Variants in PCCA observed in about 807,000 individuals in gnomAD.
The protein encoded by PCCA is propionyl-CoA carboxylase subunit alpha, also known as propionyl-CoA carboxylase alpha chain, mitochondrial.
In PCCA, 74 loss-of-function variants were observed where a neutral mutation model predicts 101.3. That is an observed-to-expected ratio of 0.73 (90% CI 0.61 to 0.89). The LOEUF is 0.89. Ranked by LOEUF, PCCA falls within the 40% of genes least tolerant of loss-of-function variation. PCCA has a pLI of 0.00. For missense variants in PCCA, 891 were observed against 907.0 expected (o/e 0.98, Z 0.23); for synonymous variants, 294 against 313.6 (o/e 0.94, Z 0.66).
At position 100,340,174 on chromosome 13, in the gene PCCA, A is replaced by G. The variant is rs112237881; in HGVS notation, c.1558A>G (p.Ser520Gly). The change falls in exon 18 of 24, where the codon AGT (serine) becomes GGT (glycine). Residue 520 changes from serine (S) to glycine (G), a missense_variant. Physicochemically the swap from Ser to Gly is moderately conservative, Grantham distance 56. Coordinates refer to ENST00000376285, the MANE Select transcript of PCCA (RefSeq NM_000282.4). ...DGFKGHMLTKSEKNQLLAIAS... is the reference protein window; with the variant it reads ...DGFKGHMLTKGEKNQLLAIAS... ...TCCCTCAGGACACATGCTAACCAAG[A>G]GTGAGAAGAACCAGTTATTGGCAAT... 6.3e-7 allele frequency: 1 copy of G among 1,597,172 alleles called. No individual in the cohort carries two copies. The highest frequency in any genetic ancestry group is 1.1e-5 in the South Asian group (1 of 90,764).
At chr13:100,386,551 T>G (rs2076515348) in intron 19 of PCCA, among the ~76,000 whole-genome samples, 1 of 152,144 alleles carries the variant, frequency 6.6e-6, no homozygotes, top group Non-Finnish European at 1.5e-5. Flanking sequence ...CTGGCTAATT[T>G]TTTGTATTTT....
rs113703781 is a variant in PCCA, at chr13:100,527,452, A to G, written c.2041-223A>G. ...CCAGGGTCCCCACTTCTCCAGGGTC[A>G]GGGATTTTTTTTTTTTCCAACGAGG... On this transcript the variant is annotated intron_variant, in intron 22 of 23. Coordinates refer to ENST00000376285, the MANE Select transcript of PCCA (RefSeq NM_000282.4). 2.4e-3 allele frequency: 1,381 copies of G among 575,748 alleles called. 17 individuals carry two copies. The highest frequency in any genetic ancestry group is 0.024 in the African/African-American group (1,239 of 52,646). 35.7% of individuals were successfully genotyped at this position (575,748 alleles called of 1,614,324 possible).
chr13:100,410,624 C>T (rs1595796255), intron 19 of PCCA, among the ~76,000 whole-genome samples: 1 of 152,216 alleles, frequency 6.6e-6, no homozygotes, highest in African/African-American at 2.4e-5. Context: ...CCTCTCCTTG[C>T]ACACCACTGT....
intron 16 of PCCA, among the ~76,000 whole-genome samples, chr13:100,325,905 G>C (rs1304607414): frequency 5.3e-5 from 8 of 152,086 alleles, no homozygotes; most frequent in Non-Finnish European, 2.9e-5. Flanking sequence ...AACATCGAAG[G>C]TGTCGAAGTG....
Position 100,337,157 on chromosome 13 carries a change from TA to T in PCCA, c.1541-2997del, listed in dbSNP as rs371314759. On this transcript the variant is annotated intron_variant, in intron 17 of 23. Coordinates refer to ENST00000376285, the MANE Select transcript of PCCA (RefSeq NM_000282.4). Reference sequence around the variant, plus strand: ...GTTTTAGGTGTGTAGGATTCATCAGTAAACAGAAAAAGGAGCTGCCCTCATG... The same window carrying T: ...GTTTTAGGTGTGTAGGATTCATCAGTAACAGAAAAAGGAGCTGCCCTCATG... 1.4e-3 allele frequency among the ~76,000 whole-genome samples: 214 copies of T among 152,286 alleles called. 3 individuals are homozygous for T. Among genetic ancestry groups the T allele is most frequent in the East Asian group, 0.01 (53 of 5,184 alleles).
intron 4 of PCCA, among the ~76,000 whole-genome samples, chr13:100,129,093 A>G (rs1400651516): frequency 1.3e-5 from 2 of 152,162 alleles, no homozygotes; most frequent in Non-Finnish European, 1.5e-5. Context: ...GGCTTCTTGT[A>G]TCTGAATCCT....
intron 12 of PCCA, 57 bp downstream of exon 12, chr13:100,273,403 C>A: frequency 2.9e-6 from 4 of 1,384,258 alleles, no homozygotes; most frequent in South Asian, 1.2e-5. Flanking sequence ...CCTTCCTTCT[C>A]CACCCTTTTT....
At chr13:100,325,664 G>T (rs1026293387) in intron 16 of PCCA, among the ~76,000 whole-genome samples, 5 of 152,160 alleles carry the variant, frequency 3.3e-5, no homozygotes, top group African/African-American at 1.2e-4. Context: ...TTTATGATCT[G>T]CACTTATCTG....
At chr13:100,379,389 G>A (rs1307166178) in intron 19 of PCCA, among the ~76,000 whole-genome samples, 1 of 152,028 alleles carries the variant, frequency 6.6e-6, no homozygotes, top group Non-Finnish European at 1.5e-5. Flanking sequence ...GATGTTAGTG[G>A]GTCCAGGTGA....
intron 19 of PCCA, among the ~76,000 whole-genome samples, chr13:100,383,794 A>G (rs958927877): frequency 6.6e-6 from 1 of 152,114 alleles, no homozygotes; most frequent in African/African-American, 2.4e-5. Flanking sequence ...ACCACCCTAT[A>G]TTTTTCTCCT....
chr13:100,359,896 A>G (rs1468311603), intron 18 of PCCA, among the ~76,000 whole-genome samples: 1 of 152,228 alleles, frequency 6.6e-6, no homozygotes, highest in Non-Finnish European at 1.5e-5. Flanking sequence ...CAGGCCCGAT[A>G]GTAATTCTAT....
chr13:100,349,259 G>T (rs1424845664), intron 18 of PCCA, among the ~76,000 whole-genome samples: 1 of 152,168 alleles, frequency 6.6e-6, no homozygotes, highest in Non-Finnish European at 1.5e-5. Flanking sequence ...AAGTAGCTGG[G>T]ATTACAGGCG....
intron 19 of PCCA, among the ~76,000 whole-genome samples, chr13:100,405,769 C>CTTTTTTT (rs34906541): frequency 6.0e-5 from 7 of 116,376 alleles, no homozygotes; most frequent in African/African-American, 1.3e-4. Flanking sequence ...AAGTGACATT[C>CTTTTTTT]TTTTTTTTTT....
intron 16 of PCCA, among the ~76,000 whole-genome samples, chr13:100,324,964 G>T (rs1330022934): frequency 6.6e-6 from 1 of 152,144 alleles, no homozygotes; most frequent in Non-Finnish European, 1.5e-5. Context: ...AGTAATGCTG[G>T]AGGTCCTCCC....
chr13:100,521,654 G>A (rs2087306014), intron 22 of PCCA, among the ~76,000 whole-genome samples: 1 of 151,868 alleles, frequency 6.6e-6, no homozygotes, highest in Non-Finnish European at 1.5e-5. Flanking sequence ...AGCAGGCAGT[G>A]CCTTTTCACT....
intron 4 of PCCA, among the ~76,000 whole-genome samples, chr13:100,143,946 T>G (rs551017631): frequency 1.3e-5 from 2 of 151,758 alleles, no homozygotes; most frequent in South Asian, 2.1e-4. Context: ...TTTTTTTTTT[T>G]GTAGAGATGG....
rs536075490 is a variant in PCCA, at chr13:100,443,280, G to A, written c.1846-5972G>A. ...AGCCTGGGCAACATAGTGAGACCTT[G>A]TCTCTACAAATAATTTTTTTAAAAA... On this transcript the variant is annotated intron_variant, in intron 20 of 23. Coordinates refer to ENST00000376285, the MANE Select transcript of PCCA (RefSeq NM_000282.4). Among the ~76,000 whole-genome samples the A allele has an allele frequency of 8.5e-5, 13 of 152,160 alleles. No homozygotes were observed. The South Asian group carries it at 2.5e-3, about 29-fold the overall frequency.
At chr13:100,224,190 GC>G (rs1222327217) in intron 7 of PCCA, among the ~76,000 whole-genome samples, 1 of 152,238 alleles carries the variant, frequency 6.6e-6, no homozygotes, top group African/African-American at 2.4e-5. Context: ...CCCGAGCCCT[GC>G]CCGGCGGGAA....
chr13:100,293,995 C>A (rs1202953789), intron 12 of PCCA, among the ~76,000 whole-genome samples: 1 of 152,162 alleles, frequency 6.6e-6, no homozygotes, highest in Non-Finnish European at 1.5e-5. Flanking sequence ...GCTGCCATAA[C>A]AAAGTATCAT....
Sources: allele counts gnomAD v4.1 joint callset (sites outside exome capture counted in the v4.1 genomes callset), GRCh38; gene constraint gnomAD v4.1.1; transcripts MANE v1.5; gene names NCBI Gene and HGNC (gene_info 2026-07-23, HGNC 2026-07-21).